The following LHFPL6 variants were observed in gnomAD, a reference collection of about 807,000 sequenced individuals.
The protein encoded by LHFPL6 is LHFPL tetraspan subfamily member 6, also known as LHFPL tetraspan subfamily member 6 protein.
LHFPL6 carries 9 observed loss-of-function variants against 20.6 expected under a neutral mutation model. The ratio of observed to expected loss-of-function variants is 0.44; its 90% CI spans 0.26 to 0.76. The LOEUF is 0.76. Among genes scored for constraint, LHFPL6 ranks in the 30% least tolerant of loss-of-function variants. LHFPL6 has a pLI of 0.20. For synonymous variants in LHFPL6, 105 were observed against 98.7 expected (o/e 1.06, Z -0.38); for missense variants, 218 against 253.5 (o/e 0.86, Z 0.95).
intron 2 of LHFPL6, among the ~76,000 whole-genome samples, chr13:39,393,737 CATT>C (rs1870769196): frequency 6.6e-6 from 1 of 152,186 alleles, no homozygotes; most frequent in African/African-American, 2.4e-5. Flanking sequence ...GTGGCTCAAA[CATT>C]CATTCATTCA....
chr13:39,410,885 A>G (rs1346902360), intron 2 of LHFPL6, among the ~76,000 whole-genome samples: 1 of 152,230 alleles, frequency 6.6e-6, no homozygotes, highest in Non-Finnish European at 1.5e-5. Flanking sequence ...AGAGAAATCT[A>G]CAACTTCCTG....
chr13:39,392,197 A>G (rs1464646750), intron 2 of LHFPL6, among the ~76,000 whole-genome samples: 1 of 152,238 alleles, frequency 6.6e-6, no homozygotes, highest in Non-Finnish European at 1.5e-5. Flanking sequence ...TTACAAAGGA[A>G]GAAGTATTTA....
At position 39,354,424 on chromosome 13, in the gene LHFPL6, A is replaced by T. The variant is rs139422095; in HGVS notation, c.485-10370T>A. 6.4e-3 allele frequency among the ~76,000 whole-genome samples: 973 copies of T among 152,228 alleles called. 15 individuals carry two copies. Among genetic ancestry groups the T allele is most frequent in the African/African-American group, 0.022 (924 of 41,530 alleles). On this transcript the variant is annotated intron_variant, in intron 3 of 3. Coordinates refer to ENST00000379589, the MANE Select transcript of LHFPL6 (RefSeq NM_005780.3). ...AACAATTTCAAAAAGATAAAAGAAC[A>T]CCAGCCCTCTCAGATGAAAAATAAT...
Position 39,343,709 on chromosome 13 carries a change from C to T in LHFPL6, c.*227G>A, listed in dbSNP as rs1327036873. ...CCCGATGCCCTGCAATATTTTTAGC[C>T]TTTGGTCCATTTTTCTCCATCATTC... On this transcript the variant is annotated 3_prime_UTR_variant, in exon 4 of 4. Transcript: ENST00000379589. 2 of 425,296 alleles carry T rather than the reference C, an allele frequency of 4.7e-6. No individual in the cohort carries two copies. Among genetic ancestry groups the T allele is most frequent in the Admixed American group, 4.1e-5 (1 of 24,574 alleles). 26.3% of individuals were successfully genotyped at this position (425,296 alleles called of 1,614,324 possible).
chr13:39,494,508 G>A lies in LHFPL6; in HGVS notation c.385+106324C>T, dbSNP rs778012399. 4.6e-5 allele frequency among the ~76,000 whole-genome samples: 7 copies of A among 152,038 alleles called. No homozygotes were observed. The South Asian group carries it at 1.4e-3, about 31-fold the overall frequency. On this transcript the variant is annotated intron_variant, in intron 2 of 3. Transcript: ENST00000379589. ...ACACAGCCTGACTCCTGGCCACCCC[G>A]CTCACTCCCATACAGCCCACCATGC...
chr13:39,475,201 C>A (rs1873052953), intron 2 of LHFPL6, among the ~76,000 whole-genome samples: 1 of 152,044 alleles, frequency 6.6e-6, no homozygotes, highest in Admixed American at 6.6e-5. Flanking sequence ...GGGCAGAAGG[C>A]ACAGGCACAG....
intron 2 of LHFPL6, among the ~76,000 whole-genome samples, chr13:39,494,261 G>T (rs757195613): frequency 9.9e-5 from 15 of 152,216 alleles, no homozygotes; most frequent in African/African-American, 3.6e-4. Flanking sequence ...ATTGCTAGTC[G>T]CAGCTCTTAG....
At chr13:39,560,889 A>T (rs571436468) in intron 2 of LHFPL6, among the ~76,000 whole-genome samples, 2 of 152,108 alleles carry the variant, frequency 1.3e-5, no homozygotes, top group East Asian at 3.9e-4. Context: ...CTATAACCAG[A>T]CCTCTATGAA....
intron 2 of LHFPL6, among the ~76,000 whole-genome samples, chr13:39,453,166 C>T (rs1423875187): frequency 6.6e-6 from 1 of 152,080 alleles, no homozygotes; most frequent in Non-Finnish European, 1.5e-5. Context: ...TCATTCTTGC[C>T]CCTAATAGAA....
intron 2 of LHFPL6, among the ~76,000 whole-genome samples, chr13:39,457,542 A>G (rs993502965): frequency 1.3e-5 from 2 of 152,228 alleles, no homozygotes; most frequent in African/African-American, 4.8e-5. Flanking sequence ...ATGCAAAATC[A>G]TACAGGTACT....
At chr13:39,543,117 T>C (rs1358198092) in intron 2 of LHFPL6, among the ~76,000 whole-genome samples, 1 of 152,232 alleles carries the variant, frequency 6.6e-6, no homozygotes, top group Non-Finnish European at 1.5e-5. Context: ...ATATGATATT[T>C]GTCCTTCAGT....
chr13:39,381,089 C>G (rs78483928), intron 2 of LHFPL6, among the ~76,000 whole-genome samples: 116 of 152,200 alleles, frequency 7.6e-4, no homozygotes, highest in African/African-American at 2.6e-3. Flanking sequence ...CCACTCAGTC[C>G]GTGGAAAAAT....
intron 2 of LHFPL6, among the ~76,000 whole-genome samples, chr13:39,466,492 A>G (rs915715072): frequency 1.3e-5 from 2 of 152,256 alleles, no homozygotes; most frequent in African/African-American, 2.4e-5. Flanking sequence ...GAAGCACCTT[A>G]AGAGTATGGC....
chr13:39,589,342 C>T (rs1261254563), intron 2 of LHFPL6, among the ~76,000 whole-genome samples: 3 of 152,022 alleles, frequency 2.0e-5, no homozygotes, highest in Non-Finnish European at 4.4e-5. Flanking sequence ...CCTGACCTCA[C>T]GATCTGCCCA....
intron 2 of LHFPL6, among the ~76,000 whole-genome samples, chr13:39,526,227 A>C (rs1870282471): frequency 6.6e-6 from 1 of 152,214 alleles, no homozygotes; most frequent in Non-Finnish European, 1.5e-5. Flanking sequence ...AGGGATTAGC[A>C]TACAGGGTAC....
At position 39,343,483 on chromosome 13, in the gene LHFPL6, T is replaced by A. The variant is rs374393802; in HGVS notation, c.*453A>T. The A allele has an allele frequency of 7.3e-5, 17 of 233,134 alleles. No individual in the cohort carries two copies. The East Asian group carries it at 7.9e-4, about 11-fold the overall frequency. The allele number at this position is 233,134 out of a possible 1,614,324, so 14.4% of individuals were successfully genotyped here. Reference sequence around the variant, plus strand: ...GGAGTGCCGTGACCTACAGGGAACATCTTTGGGGGTACCCTGCTTCCCAAC... The same window carrying A: ...GGAGTGCCGTGACCTACAGGGAACAACTTTGGGGGTACCCTGCTTCCCAAC... On this transcript the variant is annotated 3_prime_UTR_variant, in exon 4 of 4. Transcript: ENST00000379589.
chr13:39,402,088 A>G lies in LHFPL6; in HGVS notation c.386-23562T>C, dbSNP rs564112327. On this transcript the variant is annotated intron_variant, in intron 2 of 3. Coordinates refer to ENST00000379589, the MANE Select transcript of LHFPL6 (RefSeq NM_005780.3). ...ACACACCAATTACAAAGACTCCATA[A>G]GAAAAAAAGAATGTAAAATACCTCA... is the stretch of plus-strand genomic sequence containing the variant. 3.3e-5 allele frequency among the ~76,000 whole-genome samples: 5 copies of G among 152,362 alleles called. No individual in the cohort carries two copies. In the East Asian group the frequency reaches 9.6e-4, roughly 29 times the overall value.
chr13:39,440,668 A>G (rs1240244494), intron 2 of LHFPL6, among the ~76,000 whole-genome samples: 3 of 152,020 alleles, frequency 2.0e-5, no homozygotes, highest in Non-Finnish European at 2.9e-5. Flanking sequence ...TGGTGCACTC[A>G]TGGCTCACTG....
chr13:39,436,508 C>T (rs530547846), intron 2 of LHFPL6, among the ~76,000 whole-genome samples: 1 of 152,280 alleles, frequency 6.6e-6, no homozygotes, highest in East Asian at 1.9e-4. Flanking sequence ...TCAATCCCTT[C>T]CTTTCTTCCT....
Sources: allele counts gnomAD v4.1 joint callset (sites outside exome capture counted in the v4.1 genomes callset), GRCh38; gene constraint gnomAD v4.1.1; transcripts MANE v1.5; gene names NCBI Gene and HGNC (gene_info 2026-07-23, HGNC 2026-07-21).